The following ADGRV1 variants were observed in gnomAD, a reference collection of about 807,000 sequenced individuals.
ADGRV1 encodes the protein adhesion G protein-coupled receptor V1, also known as G-protein coupled receptor 98.
A neutral mutation model predicts 596.2 loss-of-function variants in ADGRV1; 359 were observed. That is an observed-to-expected ratio of 0.60 (90% CI 0.55 to 0.66). The LOEUF is 0.66. Ranked by LOEUF, ADGRV1 falls within the 30% of genes least tolerant of loss-of-function variation. The pLI is 0.00. For synonymous variants in ADGRV1, 2,681 were observed against 2,679.2 expected (o/e 1.00, Z -0.02); for missense variants, 7,274 against 7,575.6 (o/e 0.96, Z 1.48).
chr5:90,911,518 G>T (rs1010860846), intron 83 of ADGRV1, among the ~76,000 whole-genome samples: 2 of 152,100 alleles, frequency 1.3e-5, no homozygotes, highest in Non-Finnish European at 2.9e-5. Flanking sequence ...CTACAATGTT[G>T]TTTTACATAC....
chr5:90,926,799 C>T (rs1400681644), intron 83 of ADGRV1, among the ~76,000 whole-genome samples: 1 of 150,598 alleles, frequency 6.6e-6, no homozygotes, highest in African/African-American at 2.4e-5. Context: ...CTACACACTG[C>T]TTTGAATGCG....
rs201475256 is a variant in ADGRV1 at position 90,729,742 on chromosome 5, C to T, written c.10527C>T (p.Ser3509=). ...VDFAAVNRIH[S]FTPASGIAHI... is the part of the protein sequence containing the mutation. The stretch of plus-strand genomic sequence containing the variant: ...TTGCTGCTGTTAACAGAATCCACTC[C>T]TTCACACCAGCCTCAGGAATAGGTA... Residue 3509 remains serine (S), a synonymous_variant, in exon 50 of 90, where the codon TCC becomes TCT. Coordinates refer to ENST00000405460, the MANE Select transcript of ADGRV1 (RefSeq NM_032119.4). The T allele has an allele frequency of 3.0e-4, 483 of 1,613,308 alleles. No homozygotes were observed. The highest frequency in any genetic ancestry group is 2.9e-4 in the Non-Finnish European group (339 of 1,179,516).
intron 83 of ADGRV1, among the ~76,000 whole-genome samples, chr5:90,944,970 A>G (rs1776450349): frequency 6.6e-6 from 1 of 152,214 alleles, no homozygotes; most frequent in African/African-American, 2.4e-5. Context: ...CTAAGCACTT[A>G]AAAGATGACT....
intron 16 of ADGRV1, among the ~76,000 whole-genome samples, chr5:90,646,974 A>G (rs4916808): frequency 0.28 from 42,718 of 151,740 alleles, 7,490 homozygotes; most frequent in Admixed American, 0.47. Flanking sequence ...GGTTTTCACT[A>G]TGTTGGCCAG....
rs776231131 is a variant in ADGRV1, at chr5:90,615,014, G to A, written c.202G>A (p.Val68Ile). Residue 68 changes from valine (V) to isoleucine (I), a missense_variant, in exon 2 of 90, where the codon GTA (valine) becomes ATA (isoleucine). Val to Ile is a conservative substitution (Grantham distance 29). Around this residue, in one of 5 missense-constraint regions of ADGRV1, gnomAD observed 1,715 missense variants for 1,708.8 expected, o/e 1.00. Coordinates refer to ENST00000405460, the MANE Select transcript of ADGRV1 (RefSeq NM_032119.4). ...IGEPANVTAI[V>I]SLYGEDAGDF... ...AGAGCCAGCAAATGTTACTGCAATTGTATCGGTAAGAAATTATTATAGCTC... is the reference window on the plus strand; with the variant it reads ...AGAGCCAGCAAATGTTACTGCAATTATATCGGTAAGAAATTATTATAGCTC... The A allele has an allele frequency of 7.0e-7, 1 of 1,428,498 alleles. No homozygotes were observed. Among genetic ancestry groups the A allele is most frequent in the Non-Finnish European group, 9.3e-7 (1 of 1,080,630 alleles). The allele number at this position is 1,428,498 out of a possible 1,614,324, so 88.5% of individuals were successfully genotyped here.
Position 90,701,488 on chromosome 5 carries a change from T to A in ADGRV1, c.8156-2177T>A, listed in dbSNP as rs140737166. Among the ~76,000 whole-genome samples the A allele has an allele frequency of 5.9e-5, 9 of 152,156 alleles. No individual in the cohort carries two copies. In the East Asian group the frequency reaches 1.7e-3, roughly 29 times the overall value. On this transcript the variant is annotated intron_variant, in intron 34 of 89. Coordinates refer to ENST00000405460, the MANE Select transcript of ADGRV1 (RefSeq NM_032119.4). ...AGAAAAAATTTCACACTATTCTTGCTGTTGACATGATACATTTTCACTAGG... is the reference window on the plus strand; with the variant it reads ...AGAAAAAATTTCACACTATTCTTGCAGTTGACATGATACATTTTCACTAGG...
At chr5:90,733,410 T>C (rs1157456655) in intron 50 of ADGRV1, among the ~76,000 whole-genome samples, 1 of 152,172 alleles carries the variant, frequency 6.6e-6, no homozygotes, top group Non-Finnish European at 1.5e-5. Context: ...GGTTTGGATT[T>C]TGGAGACATC....
chr5:90,936,564 T>A (rs1332703523), intron 83 of ADGRV1, among the ~76,000 whole-genome samples: 1 of 151,976 alleles, frequency 6.6e-6, no homozygotes, highest in East Asian at 1.9e-4. Context: ...ATATTTTATC[T>A]TCTTATTATT....
At position 90,755,001 on chromosome 5, in the gene ADGRV1, A is replaced by G. The variant is rs1289033575; in HGVS notation, c.11396A>G (p.Gln3799Arg). Residue 3799 changes from glutamine to arginine, a missense_variant, in exon 55 of 90, where the codon CAG becomes CGG. Physicochemically the swap from Gln to Arg is conservative, Grantham distance 43. Transcript: ENST00000405460. The part of the protein sequence containing the change: ...AEPKENTTTL[Q>R]LQIARDKGLL... ...CTCACAGAAAACACCACCACTCTTC[A>G]GTTACAAATAGCTCGAGATAAAGGA... The G allele has an allele frequency of 1.2e-6, 2 of 1,612,376 alleles. No homozygotes were observed. Among genetic ancestry groups the G allele is most frequent in the South Asian group, 1.1e-5 (1 of 90,906 alleles).
At chr5:90,575,764 G>T (rs1311056673) in intron 1 of ADGRV1, among the ~76,000 whole-genome samples, 2 of 152,138 alleles carry the variant, frequency 1.3e-5, no homozygotes, top group African/African-American at 4.8e-5. Flanking sequence ...ATTATTCCCA[G>T]AGGGCTTACA....
At chr5:90,644,926 T>A in intron 15 of ADGRV1, 57 bp downstream of exon 15, 4 of 1,179,218 alleles carry the variant, frequency 3.4e-6, no homozygotes, top group Non-Finnish European at 4.7e-6. Context: ...ATAATTATTT[T>A]TTATTAAATA....
intron 83 of ADGRV1, among the ~76,000 whole-genome samples, chr5:90,888,243 A>G (rs1218073187): frequency 2.6e-5 from 4 of 152,202 alleles, no homozygotes. Context: ...AGAGTGAGCT[A>G]AAGTGAAAAC....
At chr5:90,711,367 A>G (rs1749328450) in intron 41 of ADGRV1, 45 bp downstream of exon 41, 1 of 1,468,362 alleles carries the variant, frequency 6.8e-7, no homozygotes, top group African/African-American at 1.4e-5. Context: ...AAATTATTTT[A>G]TAATCATTAT....
At chr5:91,096,305 A>G (rs1325621057) in intron 86 of ADGRV1, among the ~76,000 whole-genome samples, 2 of 152,232 alleles carry the variant, frequency 1.3e-5, no homozygotes, top group African/African-American at 4.8e-5. Flanking sequence ...AATTACAAAG[A>G]AAACAGATAA....
rs1241838643 is a variant in ADGRV1, at chr5:90,729,691, C to T, written c.10476C>T (p.Ser3492=). The T allele has an allele frequency of 6.2e-7, 1 of 1,606,714 alleles. No homozygotes were observed. The change falls in exon 50 of 90, where the codon TCC becomes TCT. Residue 3492 remains serine, a synonymous_variant. Coordinates refer to ENST00000405460, the MANE Select transcript of ADGRV1 (RefSeq NM_032119.4). ...TCATCTGGGAGATGGGACAGTCTTC[C>T]TTCAGGTATTTTCAGTCTGTAGATT... is the stretch of plus-strand genomic sequence containing the variant. ...DIFIWEMGQS[S]FRYFQSVDFA...
chr5:90,675,806 A>G (rs932583501), intron 24 of ADGRV1, among the ~76,000 whole-genome samples: 3 of 152,140 alleles, frequency 2.0e-5, no homozygotes, highest in Non-Finnish European at 2.9e-5. Context: ...AAAAAGAAAA[A>G]AGAAAAATAA....
At chr5:90,988,120 T>C (rs1202109251) in intron 85 of ADGRV1, among the ~76,000 whole-genome samples, 1 of 152,220 alleles carries the variant, frequency 6.6e-6, no homozygotes, top group Non-Finnish European at 1.5e-5. Context: ...TAAGCTTCTC[T>C]TCTTTACAAG....
intron 1 of ADGRV1, among the ~76,000 whole-genome samples, chr5:90,574,526 T>C (rs909072037): frequency 6.6e-6 from 1 of 152,198 alleles, no homozygotes; most frequent in Non-Finnish European, 1.5e-5. Context: ...TAAAATTGTT[T>C]ATCAATTCTA....
chr5:90,564,315 A>G (rs533904943), intron 1 of ADGRV1, among the ~76,000 whole-genome samples: 6 of 152,344 alleles, frequency 3.9e-5, no homozygotes, highest in African/African-American at 1.4e-4. Flanking sequence ...CAGACTAGTA[A>G]GCTAAGGTTG....
Sources: gnomAD v4.1 joint callset for allele counts (sites outside exome capture counted in the v4.1 genomes callset) on GRCh38, gnomAD v4.1.1 for gene constraint, gnomAD v4.1.1 regional missense constraint, MANE v1.5 for transcripts, NCBI Gene and HGNC (gene_info 2026-07-23, HGNC 2026-07-21) for gene names.